The following ATF2 variants were observed in gnomAD, a reference collection of about 807,000 sequenced individuals.
ATF2 encodes cyclic AMP-dependent transcription factor ATF-2.
ATF2 carries 24 observed loss-of-function variants against 60.6 expected under a neutral mutation model. The ratio of observed to expected loss-of-function variants is 0.40; its 90% confidence interval spans 0.29 to 0.56. The LOEUF (loss-of-function observed/expected upper bound fraction) is 0.56. Ranked by LOEUF, ATF2 falls within the 20% of genes least tolerant of loss-of-function variation. The pLI, the probability that ATF2 is intolerant of heterozygous loss-of-function variation, is 0.54. For synonymous variants in ATF2, 206 were observed against 215.4 expected (o/e 0.96, Z 0.38); for missense variants, 433 against 607.7 (o/e 0.71, Z 3.02).
intron 10 of ATF2, among the ~76,000 whole-genome samples, chr2:175,103,130 G>T (rs1695415239): frequency 6.6e-6 from 1 of 152,074 alleles, no homozygotes; most frequent in African/African-American, 2.4e-5. Context: ...GAACTTAGTA[G>T]TAGGAACAAA....
At chr2:175,102,685 C>T (rs1304665820) in intron 10 of ATF2, among the ~76,000 whole-genome samples, 5 of 151,732 alleles carry the variant, frequency 3.3e-5, no homozygotes, top group African/African-American at 4.8e-5. Context: ...AGGAGGTTTG[C>T]TTGAGCCCAG....
At chr2:175,094,988 G>C (rs1694829841) in intron 11 of ATF2, among the ~76,000 whole-genome samples, 1 of 152,116 alleles carries the variant, frequency 6.6e-6, no homozygotes, top group Non-Finnish European at 1.5e-5. Context: ...ATTTAAATTA[G>C]AGCGTTTATT....
At chr2:175,074,874 TC>T (rs1259862899) in intron 13 of ATF2, 39 bp from the exon 14 acceptor site, 2 of 1,607,898 alleles carry the variant, frequency 1.2e-6, no homozygotes, top group Admixed American at 3.4e-5. Context: ...TTTCCTAAAA[TC>T]GGTAAGAATG....
At chr2:175,122,628 C>T (rs1697043372) in intron 4 of ATF2, among the ~76,000 whole-genome samples, 1 of 151,984 alleles carries the variant, frequency 6.6e-6, no homozygotes, top group East Asian at 1.9e-4. Flanking sequence ...ATCTTTGGCC[C>T]AGTCCACTAT....
chr2:175,101,330 GGA>G (rs993149437), intron 10 of ATF2, among the ~76,000 whole-genome samples: 28 of 152,026 alleles, frequency 1.8e-4, no homozygotes, highest in Non-Finnish European at 3.2e-4. Context: ...CAGAACAAAG[GGA>G]GAGAGTCTTG....
intron 2 of ATF2, among the ~76,000 whole-genome samples, chr2:175,141,809 T>C (rs1698564440): frequency 6.6e-6 from 1 of 151,992 alleles, no homozygotes; most frequent in Non-Finnish European, 1.5e-5. Flanking sequence ...AATATATTTT[T>C]CAAATGTGAA....
intron 10 of ATF2, among the ~76,000 whole-genome samples, chr2:175,101,760 A>T (rs1695327311): frequency 6.6e-6 from 1 of 152,184 alleles, no homozygotes; most frequent in South Asian, 2.1e-4. Context: ...GGTATACAGT[A>T]CTCATCCAGT....
intron 13 of ATF2, among the ~76,000 whole-genome samples, chr2:175,076,360 A>C (rs1027970440): frequency 1.3e-5 from 2 of 152,010 alleles, no homozygotes; most frequent in African/African-American, 4.8e-5. Flanking sequence ...ACCACCACCA[A>C]CCACCAGAAG....
At chr2:175,092,426 G>T in intron 12 of ATF2, 1 of 164,768 alleles carries the variant, frequency 6.1e-6, no homozygotes, top group South Asian at 1.6e-4. Context: ...AAAAACAAAG[G>T]AAACAGATTC....
chr2:175,114,597 A>T (rs1263321842), intron 8 of ATF2, 93 bp downstream of exon 8: 1 of 1,524,648 alleles, frequency 6.6e-7, no homozygotes, highest in Non-Finnish European at 8.8e-7. Flanking sequence ...CAAAACTAAG[A>T]TCTTAGTTTG....
chr2:175,160,565 A>T (rs1699954553), intron 1 of ATF2, among the ~76,000 whole-genome samples: 1 of 152,216 alleles, frequency 6.6e-6, no homozygotes. Context: ...CTTACAAATG[A>T]TAAAATATTT....
At chr2:175,138,981 A>G (rs906280196) in intron 2 of ATF2, among the ~76,000 whole-genome samples, 1 of 152,360 alleles carries the variant, frequency 6.6e-6, no homozygotes, top group Non-Finnish European at 1.5e-5. Flanking sequence ...CAAGGTTCTA[A>G]GCAACTTTGC....
intron 9 of ATF2, among the ~76,000 whole-genome samples, chr2:175,112,384 C>CAAG (rs1696261040): frequency 6.6e-6 from 1 of 151,834 alleles, no homozygotes; most frequent in African/African-American, 2.4e-5. Context: ...GCATTTTGAA[C>CAAG]AAAGTTCTTT....
chr2:175,148,763 T>C (rs1444577341), intron 2 of ATF2, among the ~76,000 whole-genome samples: 2 of 152,190 alleles, frequency 1.3e-5, no homozygotes, highest in African/African-American at 4.8e-5. Flanking sequence ...TTCCTTTCTA[T>C]TGATTCCAGG....
intron 2 of ATF2, among the ~76,000 whole-genome samples, chr2:175,150,217 C>T (rs1699218797): frequency 1.3e-5 from 2 of 152,026 alleles, no homozygotes; most frequent in African/African-American, 4.8e-5. Context: ...AAATTATTTT[C>T]CGAATTTTTG....
intron 13 of ATF2, among the ~76,000 whole-genome samples, chr2:175,078,482 T>A (rs1047045627): frequency 3.9e-5 from 6 of 152,166 alleles, no homozygotes; most frequent in African/African-American, 1.4e-4. Flanking sequence ...TCATTCAGGT[T>A]TTATATTACT....
intron 12 of ATF2, among the ~76,000 whole-genome samples, chr2:175,090,985 G>A (rs1694507171): frequency 6.6e-6 from 1 of 152,130 alleles, no homozygotes; most frequent in Non-Finnish European, 1.5e-5. Flanking sequence ...AACCAGTGCT[G>A]CAGTGTAACT....
intron 4 of ATF2, 147 bp downstream of exon 4, chr2:175,129,991 G>T: frequency 1.8e-6 from 1 of 561,172 alleles, no homozygotes; most frequent in Non-Finnish European, 2.9e-6. Flanking sequence ...AGAATTTCTT[G>T]CCAAAAGTTT....
chr2:175,121,582 T>C (rs1316590205), intron 4 of ATF2, 42 bp from the exon 5 acceptor site: 1 of 1,428,144 alleles, frequency 7.0e-7, no homozygotes, highest in Non-Finnish European at 9.7e-7. Flanking sequence ...ATTTTCAATT[T>C]GATCAAATAA....
Sources: allele counts gnomAD v4.1 joint callset (sites outside exome capture counted in the v4.1 genomes callset), GRCh38; gene constraint gnomAD v4.1.1; transcripts MANE v1.5; gene names NCBI Gene and HGNC (gene_info 2026-07-23, HGNC 2026-07-21).